Variants in DYNC2H1 observed in about 807,000 individuals in gnomAD.
DYNC2H1 encodes the protein cytoplasmic dynein 2 heavy chain 1.
DYNC2H1 carries 410 observed loss-of-function variants against 570.0 expected under a neutral mutation model. The ratio of observed to expected loss-of-function variants is 0.72; its 90% CI spans 0.66 to 0.78. The LOEUF is 0.78. Among genes scored for constraint, DYNC2H1 ranks in the 30% least tolerant of loss-of-function variants. The probability of loss-of-function intolerance (pLI) is 0.00; values close to 1 mark genes in which losing one functional copy is unlikely to be tolerated. For synonymous variants in DYNC2H1, 1,688 were observed against 1,677.6 expected, an observed-to-expected ratio of 1.01 and a Z score of -0.15; for missense variants, 4,865 against 5,046.4, an observed-to-expected ratio of 0.96 and a Z score of 1.09.
intron 60 of DYNC2H1, among the ~76,000 whole-genome samples, chr11:103,233,256 A>G (rs12279404): frequency 0.034 from 5,098 of 150,734 alleles, 291 homozygotes; most frequent in African/African-American, 0.12. Context: ...AAGATTTATA[A>G]TACTTAACTG....
intron 15 of DYNC2H1, 132 bp downstream of exon 15, chr11:103,134,551 T>C: frequency 2.0e-6 from 1 of 503,218 alleles, no homozygotes; most frequent in Non-Finnish European, 3.2e-6. Context: ...AATATATTTA[T>C]AATTTTTGAC....
rs753895545 is a variant in DYNC2H1 at position 103,257,732 on chromosome 11, G to A, written c.10586G>A (p.Arg3529Gln). 5.0e-6 allele frequency: 8 copies of A among 1,597,792 alleles called. No individual in the cohort carries two copies. Among genetic ancestry groups the A allele is most frequent in the African/African-American group, 2.7e-5 (2 of 74,600 alleles). ...GCTGCTTTTCTCCGACTTTTCCAACGAGCTCTACAAAACAAACAGGTAAGC... is the reference window on the plus strand; with the variant it reads ...GCTGCTTTTCTCCGACTTTTCCAACAAGCTCTACAAAACAAACAGGTAAGC... ...SLAAFLRLFQ[R>Q]ALQNKQDSEN... Residue 3529 changes from arginine (R) to glutamine (Q), a missense_variant, in exon 69 of 89, where the codon CGA becomes CAA. By Grantham distance (43) the Arg-to-Gln change is conservative. Transcript: ENST00000375735.
chr11:103,290,330 G>C (rs1866543371), intron 75 of DYNC2H1, among the ~76,000 whole-genome samples: 1 of 152,050 alleles, frequency 6.6e-6, no homozygotes, highest in African/African-American at 2.4e-5. Flanking sequence ...TTAATGATGA[G>C]TATATGGAAA....
intron 83 of DYNC2H1, 60 bp from the exon 84 acceptor site, chr11:103,399,603 G>A: frequency 5.8e-6 from 7 of 1,204,504 alleles, no homozygotes; most frequent in South Asian, 1.5e-5. Flanking sequence ...GTTTCAAAGC[G>A]TTTTATATAT....
intron 78 of DYNC2H1, among the ~76,000 whole-genome samples, 183 bp downstream of exon 78, chr11:103,308,014 CAT>C (rs1253387293): frequency 6.6e-6 from 1 of 152,138 alleles, no homozygotes; most frequent in Non-Finnish European, 1.5e-5. Flanking sequence ...AATTTTATTT[CAT>C]ACTTATGTTT....
Position 103,312,013 on chromosome 11 carries a change from A to G in DYNC2H1, c.11629A>G (p.Arg3877Gly), listed in dbSNP as rs1194851950. ...LAWFHAACQE[R>G]RNYIPQGWTK... ...ATGGTTTCATGCTGCATGTCAAGAA[A>G]GAAGAAACTATATTCCTCAGGTAAG... is the stretch of plus-strand genomic sequence containing the variant. Residue 3877 changes from arginine to glycine, a missense_variant, in exon 79 of 89, where the codon AGA (arginine) becomes GGA (glycine). This residue lies in a region of DYNC2H1 where 2,401 missense variants were observed against 2,454.6 expected (regional missense o/e 0.98). Coordinates refer to ENST00000375735, the MANE Select transcript of DYNC2H1 (RefSeq NM_001377.3). The G allele has an allele frequency of 4.3e-6, 7 of 1,611,924 alleles. No individual in the cohort carries two copies. Among genetic ancestry groups the G allele is most frequent in the Non-Finnish European group, 5.9e-6 (7 of 1,179,340 alleles).
intron 45 of DYNC2H1, among the ~76,000 whole-genome samples, chr11:103,190,708 A>G (rs1591383540): frequency 6.6e-6 from 1 of 152,254 alleles, no homozygotes; most frequent in East Asian, 1.9e-4. Context: ...GATGTTAAGT[A>G]ATCAAGATCA....
At chr11:103,337,709 T>G (rs1939220681) in intron 82 of DYNC2H1, among the ~76,000 whole-genome samples, 1 of 152,232 alleles carries the variant, frequency 6.6e-6, no homozygotes, top group Non-Finnish European at 1.5e-5. Flanking sequence ...TAAGATCTTT[T>G]GCCTGTTTTT....
chr11:103,355,858 A>G (rs1940311378), intron 82 of DYNC2H1, among the ~76,000 whole-genome samples: 1 of 152,132 alleles, frequency 6.6e-6, no homozygotes, highest in Non-Finnish European at 1.5e-5. Flanking sequence ...GGTGCACACC[A>G]CCATACCTGA....
intron 85 of DYNC2H1, among the ~76,000 whole-genome samples, chr11:103,447,916 G>A (rs2135785508): frequency 6.6e-6 from 1 of 152,096 alleles, no homozygotes; most frequent in Non-Finnish European, 1.5e-5. Context: ...CAACAAGGTA[G>A]GACCCAAAAT....
intron 4 of DYNC2H1, 32 bp downstream of exon 4, chr11:103,115,327 C>T (rs1386230144): frequency 1.4e-6 from 2 of 1,435,848 alleles, no homozygotes; most frequent in Admixed American, 2.2e-5. Context: ...ATATATTGGG[C>T]TTCTTATAAA....
At chr11:103,351,002 G>A (rs1284747311) in intron 82 of DYNC2H1, among the ~76,000 whole-genome samples, 3 of 152,132 alleles carry the variant, frequency 2.0e-5, no homozygotes, top group African/African-American at 7.2e-5. Flanking sequence ...AATATTCCCA[G>A]TGCTTCCCTT....
At chr11:103,375,454 T>A (rs1023863040) in intron 83 of DYNC2H1, among the ~76,000 whole-genome samples, 1 of 152,138 alleles carries the variant, frequency 6.6e-6, no homozygotes, top group Non-Finnish European at 1.5e-5. Context: ...GCTTGCACCG[T>A]GCTTCTGGAA....
chr11:103,429,439 A>C (rs11225794), intron 84 of DYNC2H1, among the ~76,000 whole-genome samples: 45,316 of 149,082 alleles, frequency 0.3, 6,827 homozygotes, highest in South Asian at 0.36. Context: ...GTACCATTTT[A>C]TAATCCTTTT....
At position 103,264,576 on chromosome 11, in the gene DYNC2H1, A is replaced by G. The variant is rs1265247987; in HGVS notation, c.10695+4599A>G. ...TAAATATAATCCATGACATGAACAG[A>G]ACTAATGACAAAAACCACATGATTA... On this transcript the variant is annotated intron_variant, in intron 70 of 88. Coordinates refer to ENST00000375735, the MANE Select transcript of DYNC2H1 (RefSeq NM_001377.3). The surrounding 1 kb of genome is among the most constrained non-coding windows in gnomAD (Gnocchi z 4.8). Among the ~76,000 whole-genome samples the G allele has an allele frequency of 1.3e-5, 2 of 152,240 alleles. No individual in the cohort carries two copies. Among genetic ancestry groups the G allele is most frequent in the Non-Finnish European group, 2.9e-5 (2 of 68,042 alleles).
chr11:103,168,256 G>T (rs61899762), intron 31 of DYNC2H1, among the ~76,000 whole-genome samples: 13,451 of 152,192 alleles, frequency 0.088, 784 homozygotes, highest in Non-Finnish European at 0.12. Flanking sequence ...GCTAGAGGTG[G>T]TTTTCTAGAG....
chr11:103,173,969 G>A, intron 35 of DYNC2H1, 86 bp from the exon 36 acceptor site: 1 of 916,004 alleles, frequency 1.1e-6, no homozygotes, highest in Middle Eastern at 2.2e-4. Flanking sequence ...ATGTGTCAGT[G>A]TTATATTCTG....
chr11:103,332,229 A>C (rs1938845177), intron 82 of DYNC2H1, among the ~76,000 whole-genome samples: 1 of 151,880 alleles, frequency 6.6e-6, no homozygotes. Flanking sequence ...TATAGACTTG[A>C]TATAACCAAG....
At chr11:103,223,367 A>G (rs766306885) in intron 59 of DYNC2H1, among the ~76,000 whole-genome samples, 16 of 151,730 alleles carry the variant, frequency 1.1e-4, no homozygotes, top group Non-Finnish European at 2.4e-4. Context: ...TCATAAAGGA[A>G]TTTTTTTTGT....
Sources: gnomAD v4.1 joint callset for allele counts (sites outside exome capture counted in the v4.1 genomes callset) on GRCh38, gnomAD v4.1.1 for gene constraint, gnomAD v4.1.1 regional missense constraint, Gnocchi (gnomAD v3.1) non-coding constraint, MANE v1.5 for transcripts, NCBI Gene and HGNC (gene_info 2026-07-23, HGNC 2026-07-21) for gene names.